The following DLG2 variants were observed in gnomAD, a reference collection of about 807,000 sequenced individuals.
The protein encoded by DLG2 is disks large homolog 2.
Under a neutral mutation model 132.5 loss-of-function variants are expected in DLG2, and 45 were observed. That is an observed-to-expected ratio of 0.34 (90% CI 0.27 to 0.44). The LOEUF (loss-of-function observed/expected upper bound fraction) is 0.44. Among genes scored for constraint, DLG2 ranks in the 20% least tolerant of loss-of-function variants. The pLI is 1.00. For synonymous variants in DLG2, 424 were observed against 419.6 expected, an observed-to-expected ratio of 1.01 and a Z score of -0.13; for missense variants, 1,045 against 1,196.9, an observed-to-expected ratio of 0.87 and a Z score of 1.87.
intron 22 of DLG2, among the ~76,000 whole-genome samples, chr11:83,476,805 C>T (rs1009978294): frequency 1.3e-5 from 2 of 152,016 alleles, no homozygotes; most frequent in African/African-American, 4.8e-5. Context: ...TCGGCTTCCT[C>T]ATATGGAAAT....
intron 6 of DLG2, among the ~76,000 whole-genome samples, chr11:84,580,028 T>C (rs1343068395): frequency 6.6e-6 from 1 of 152,168 alleles, no homozygotes; most frequent in Non-Finnish European, 1.5e-5. Context: ...GCAAGTTTTG[T>C]GCATGTGAAG....
intron 17 of DLG2, chr11:83,790,700 C>T (rs1594431519): frequency 6.1e-6 from 5 of 815,618 alleles, no homozygotes; most frequent in South Asian, 5.4e-5. Context: ...ACATGACTCC[C>T]GTGGTGCCAG....
chr11:84,449,100 T>C (rs1314746561), intron 7 of DLG2, among the ~76,000 whole-genome samples: 1 of 151,914 alleles, frequency 6.6e-6, no homozygotes, highest in African/African-American at 2.4e-5. Context: ...GAAAACACCA[T>C]TTCTAAAGGT....
chr11:84,055,620 G>C (rs2096485221), intron 11 of DLG2, among the ~76,000 whole-genome samples: 1 of 151,878 alleles, frequency 6.6e-6, no homozygotes, highest in African/African-American at 2.4e-5. Flanking sequence ...TTCTATCTGG[G>C]ATGCTCTCGA....
At chr11:84,078,347 A>G (rs2096856317) in intron 10 of DLG2, among the ~76,000 whole-genome samples, 1 of 152,190 alleles carries the variant, frequency 6.6e-6, no homozygotes, top group Non-Finnish European at 1.5e-5. Context: ...ATAATCTATC[A>G]GTTGACTGTT....
chr11:85,452,024 A>G (rs2092264862), intron 3 of DLG2, among the ~76,000 whole-genome samples: 1 of 152,174 alleles, frequency 6.6e-6, no homozygotes, highest in Non-Finnish European at 1.5e-5. Flanking sequence ...ATGAAAGCCA[A>G]GAAAATATCA....
intron 8 of DLG2, among the ~76,000 whole-genome samples, chr11:84,182,901 A>G (rs1416281048): frequency 1.3e-5 from 2 of 152,270 alleles, no homozygotes; most frequent in East Asian, 3.9e-4. Context: ...GAAAAGAAAC[A>G]CAAAACATCA....
chr11:84,443,869 A>C (rs1602222992), intron 7 of DLG2, among the ~76,000 whole-genome samples: 1 of 152,172 alleles, frequency 6.6e-6, no homozygotes, highest in Non-Finnish European at 1.5e-5. Context: ...CAGAGCCTTC[A>C]TAAAAATTAA....
chr11:83,480,275 G>C, intron 22 of DLG2: 1 of 934,158 alleles, frequency 1.1e-6, no homozygotes, highest in Non-Finnish European at 1.7e-6. Context: ...ATGATAAAAG[G>C]TAGCAATTGA....
chr11:83,755,447 T>C (rs1342398637), intron 18 of DLG2, among the ~76,000 whole-genome samples: 1 of 151,318 alleles, frequency 6.6e-6, no homozygotes, highest in Non-Finnish European at 1.5e-5. Context: ...TATAGTATTT[T>C]TAATATAATA....
At chr11:85,504,393 G>T (rs1259222790) in intron 3 of DLG2, among the ~76,000 whole-genome samples, 2 of 152,112 alleles carry the variant, frequency 1.3e-5, no homozygotes, top group Non-Finnish European at 2.9e-5. Flanking sequence ...TTTTGTATAA[G>T]GTGTAAGGGA....
At chr11:83,970,569 C>T (rs112091532) in intron 12 of DLG2, among the ~76,000 whole-genome samples, 137 of 152,292 alleles carry the variant, frequency 9.0e-4, no homozygotes, top group African/African-American at 3.2e-3. Flanking sequence ...TTTTGAGTCA[C>T]GCATACTGAA....
intron 8 of DLG2, among the ~76,000 whole-genome samples, chr11:84,183,531 C>T (rs1434220500): frequency 6.6e-6 from 1 of 151,818 alleles, no homozygotes; most frequent in Non-Finnish European, 1.5e-5. Context: ...TTTGAGTTGA[C>T]AAGAAAAAAC....
At chr11:84,036,009 A>T (rs2095854968) in intron 11 of DLG2, among the ~76,000 whole-genome samples, 1 of 152,186 alleles carries the variant, frequency 6.6e-6, no homozygotes, top group African/African-American at 2.4e-5. Flanking sequence ...TTTTGTATAC[A>T]TTAATCTTAA....
At chr11:85,162,929 G>A (rs756290804) in intron 4 of DLG2, among the ~76,000 whole-genome samples, 1 of 152,132 alleles carries the variant, frequency 6.6e-6, no homozygotes, top group Admixed American at 6.5e-5. Context: ...TTGAGTCAGT[G>A]GGCTGGGAAA....
chr11:84,361,861 TA>T (rs1425621186), intron 7 of DLG2, among the ~76,000 whole-genome samples: 1 of 151,920 alleles, frequency 6.6e-6, no homozygotes, highest in Non-Finnish European at 1.5e-5. Context: ...TAGACTGTGA[TA>T]AATTGTATAA....
intron 2 of DLG2, among the ~76,000 whole-genome samples, chr11:85,610,972 T>C (rs565929413): frequency 6.6e-6 from 1 of 152,154 alleles, no homozygotes; most frequent in African/African-American, 2.4e-5. Flanking sequence ...ACTCATCTAG[T>C]AGAATGAGAA....
At chr11:84,402,512 C>T (rs2098833067) in intron 7 of DLG2, among the ~76,000 whole-genome samples, 1 of 151,898 alleles carries the variant, frequency 6.6e-6, no homozygotes, top group Non-Finnish European at 1.5e-5. Flanking sequence ...ACTGGCACTG[C>T]CTTTCCATTC....
At chr11:84,484,621 C>G (rs868465661) in intron 7 of DLG2, among the ~76,000 whole-genome samples, 1 of 152,180 alleles carries the variant, frequency 6.6e-6, no homozygotes, top group African/African-American at 2.4e-5. Flanking sequence ...TCATCTCCAG[C>G]AGTATCTTGT....
Sources: allele counts gnomAD v4.1 joint callset (sites outside exome capture counted in the v4.1 genomes callset), GRCh38; gene constraint gnomAD v4.1.1; transcripts MANE v1.5; gene names NCBI Gene and HGNC (gene_info 2026-07-23, HGNC 2026-07-21).